Variants in JAKMIP3 observed in about 807,000 individuals in gnomAD.
JAKMIP3 encodes Janus kinase and microtubule interacting protein 3, also known as janus kinase and microtubule-interacting protein 3.
JAKMIP3 carries 58 observed loss-of-function variants against 118.5 expected under a neutral mutation model. That is an observed-to-expected ratio of 0.49 (90% CI 0.40 to 0.61). JAKMIP3 has a LOEUF of 0.61. Among genes scored for constraint, JAKMIP3 ranks in the 20% least tolerant of loss-of-function variants. The probability of loss-of-function intolerance (pLI) is 0.00; values close to 1 mark genes in which losing one functional copy is unlikely to be tolerated. For synonymous variants in JAKMIP3, 486 were observed against 451.2 expected (o/e 1.08, Z -0.98); for missense variants, 950 against 1,109.0 (o/e 0.86, Z 2.04).
chr10:132,139,426 G>GTC (rs1564949050), intron 9 of JAKMIP3, among the ~76,000 whole-genome samples: 1 of 79,570 alleles, frequency 1.3e-5, no homozygotes. Context: ...GTGTGTGTGT[G>GTC]TGTTTGTGTG....
intron 1 of JAKMIP3, among the ~76,000 whole-genome samples, chr10:132,080,917 G>A (rs61865709): frequency 0.27 from 40,699 of 152,036 alleles, 5,586 homozygotes; most frequent in Middle Eastern, 0.4. Context: ...CTTTCAGCCT[G>A]TTGATTATGC....
intron 19 of JAKMIP3, among the ~76,000 whole-genome samples, chr10:132,159,612 T>C (rs2057679112): frequency 1.1e-5 from 1 of 90,684 alleles, no homozygotes. Flanking sequence ...TCCTATGTGA[T>C]GCTGGGGGTC....
chr10:132,119,237 C>T (rs541947456), intron 3 of JAKMIP3, among the ~76,000 whole-genome samples: 2 of 152,274 alleles, frequency 1.3e-5, no homozygotes, highest in South Asian at 2.1e-4. Flanking sequence ...AAACTTACAC[C>T]GAAGTGCAGG....
chr10:132,062,417 C>A (rs1190921520), upstream of JAKMIP3, among the ~76,000 whole-genome samples: 1 of 152,180 alleles, frequency 6.6e-6, no homozygotes, highest in Non-Finnish European at 1.5e-5. Context: ...GTGCTCGTGG[C>A]AGCACCATTT....
chr10:132,182,032 G>C (rs2061541306), intron 23 of JAKMIP3, among the ~76,000 whole-genome samples: 1 of 152,258 alleles, frequency 6.6e-6, no homozygotes, highest in Non-Finnish European at 1.5e-5. Context: ...AGGGAAGTTG[G>C]GTAGAAACCG....
intron 1 of JAKMIP3, among the ~76,000 whole-genome samples, chr10:132,101,987 C>A (rs1186332791): frequency 6.9e-6 from 1 of 144,850 alleles, no homozygotes. Context: ...GCCCACCCGA[C>A]GCTCATGTGG....
At chr10:132,122,238 G>T (rs1436398235) in intron 3 of JAKMIP3, among the ~76,000 whole-genome samples, 2 of 150,460 alleles carry the variant, frequency 1.3e-5, no homozygotes, top group African/African-American at 4.9e-5. Flanking sequence ...CTCCCCGGCT[G>T]TTGGGGCCCT....
intron 19 of JAKMIP3, among the ~76,000 whole-genome samples, chr10:132,161,365 G>A (rs370269804): frequency 8.9e-5 from 1 of 11,176 alleles, no homozygotes; most frequent in Non-Finnish European, 1.3e-4. Flanking sequence ...ATGCTGGGGG[G>A]GCCTCTTCCT....
At chr10:132,129,767 C>T (rs1165445399) in intron 3 of JAKMIP3, among the ~76,000 whole-genome samples, 1 of 152,134 alleles carries the variant, frequency 6.6e-6, no homozygotes, top group African/African-American at 2.4e-5. Context: ...TCTCCTGCCC[C>T]TGCGTTGTGT....
upstream of JAKMIP3, among the ~76,000 whole-genome samples, chr10:132,064,906 C>T (rs2038590785): frequency 6.6e-6 from 1 of 152,098 alleles, no homozygotes; most frequent in Non-Finnish European, 1.5e-5. The surrounding 1 kb of genome is among the most constrained non-coding windows in gnomAD (Gnocchi z 4.4). Context: ...GGTGAAGTGA[C>T]ATTTGGCCTT....
At chr10:132,092,122 C>G (rs1368005199) in intron 1 of JAKMIP3, among the ~76,000 whole-genome samples, 1 of 152,186 alleles carries the variant, frequency 6.6e-6, no homozygotes, top group African/African-American at 2.4e-5. Context: ...TGTAGAGTTT[C>G]TGCCGAGAGA....
chr10:132,137,324 C>T (rs1023918864), intron 8 of JAKMIP3, 35 bp downstream of exon 8: 31 of 1,612,822 alleles, frequency 1.9e-5, no homozygotes, highest in East Asian at 4.5e-5. Flanking sequence ...CCCACGCCTC[C>T]GCTCCCCACG....
rs1467703230 is a variant in JAKMIP3 at position 132,168,039 on chromosome 10, G to A, written c.*109G>A. 1 of 1,289,632 alleles carries A rather than the reference G, an allele frequency of 7.8e-7. No individual in the cohort carries two copies. Among genetic ancestry groups the A allele is most frequent in the African/African-American group, 1.5e-5 (1 of 65,996 alleles). 79.9% of individuals were successfully genotyped at this position (1,289,632 alleles called of 1,614,324 possible). ...GTCGCGTCTCCATCCTGAAGACCCAGGGAGATTTGGTCTCTGCACGCCCGT... is the reference window on the plus strand; with the variant it reads ...GTCGCGTCTCCATCCTGAAGACCCAAGGAGATTTGGTCTCTGCACGCCCGT... On this transcript the variant is annotated 3_prime_UTR_variant, in exon 23 of 24. Coordinates refer to ENST00000684848, the MANE Select transcript of JAKMIP3 (RefSeq NM_001323087.2).
chr10:132,147,904 G>A, intron 13 of JAKMIP3, 48 bp from the exon 14 acceptor site: 1 of 1,387,628 alleles, frequency 7.2e-7, no homozygotes, highest in Non-Finnish European at 1.0e-6. Context: ...CAAGACCTCT[G>A]GTGAGAGAGA....
At chr10:132,059,106 T>C (rs952887674) in intron 1 of JAKMIP3, among the ~76,000 whole-genome samples, 5 of 152,226 alleles carry the variant, frequency 3.3e-5, no homozygotes, top group Non-Finnish European at 7.3e-5. Context: ...GGATGCTGTC[T>C]CCTGTGCATT....
chr10:132,178,055 C>T (rs1158855263), intron 23 of JAKMIP3, among the ~76,000 whole-genome samples: 1 of 152,244 alleles, frequency 6.6e-6, no homozygotes, highest in African/African-American at 2.4e-5. Context: ...GCACCCGCTT[C>T]TGTGCACCCA....
intron 14 of JAKMIP3, among the ~76,000 whole-genome samples, chr10:132,148,857 C>T (rs191660867): frequency 7.2e-5 from 11 of 152,340 alleles, no homozygotes; most frequent in East Asian, 3.9e-4. Context: ...CACACAGCCC[C>T]GAGGCCTCCG....
intron 23 of JAKMIP3, among the ~76,000 whole-genome samples, chr10:132,175,435 G>T (rs928358581): frequency 2.6e-5 from 4 of 152,180 alleles, no homozygotes; most frequent in East Asian, 1.9e-4. Context: ...TCCTGGCTGG[G>T]GTGTCCACCT....
intron 1 of JAKMIP3, among the ~76,000 whole-genome samples, chr10:132,102,975 T>C (rs2045234294): frequency 6.9e-6 from 1 of 144,012 alleles, no homozygotes. Flanking sequence ...TGGGGGGAAG[T>C]GTTCACCGGG....
Sources: allele counts gnomAD v4.1 joint callset (sites outside exome capture counted in the v4.1 genomes callset), GRCh38; gene constraint gnomAD v4.1.1; non-coding constraint Gnocchi (gnomAD v3.1); transcripts MANE v1.5; gene names NCBI Gene and HGNC (gene_info 2026-07-23, HGNC 2026-07-21).